MALRD1: variants seen among roughly 807,000 people sequenced by gnomAD.
MALRD1 encodes MAM and LDL-receptor class A domain-containing protein 1.
MALRD1 carries 247 observed loss-of-function variants against 242.1 expected under a neutral mutation model. The ratio of observed to expected loss-of-function variants is 1.02; its 90% confidence interval spans 0.92 to 1.13. The LOEUF is 1.13. Ranked by LOEUF, MALRD1 falls within the 50% of genes most tolerant of loss-of-function variation. The pLI is 0.00. For synonymous variants in MALRD1, 995 were observed against 866.6 expected (o/e 1.15, Z -2.60); for missense variants, 2,989 against 2,533.1 (o/e 1.18, Z -3.86).
chr10:19,650,461 G>A (rs1159968910), intron 36 of MALRD1, among the ~76,000 whole-genome samples: 1 of 152,162 alleles, frequency 6.6e-6, no homozygotes, highest in African/African-American at 2.4e-5. Flanking sequence ...AGAAATAAAT[G>A]TAGAAGACTA....
At chr10:19,601,136 T>A (rs953537786) in intron 34 of MALRD1, among the ~76,000 whole-genome samples, 1 of 152,046 alleles carries the variant, frequency 6.6e-6, no homozygotes, top group Non-Finnish European at 1.5e-5. Flanking sequence ...GCCGCCTTGG[T>A]CTCTCAAAGT....
chr10:19,393,913 A>T (rs1421528525), intron 28 of MALRD1, among the ~76,000 whole-genome samples: 4 of 152,184 alleles, frequency 2.6e-5, no homozygotes, highest in African/African-American at 4.8e-5. Context: ...CATCTTTTCA[A>T]CCAGCCTTTT....
chr10:19,495,918 T>C (rs543261928), intron 30 of MALRD1, among the ~76,000 whole-genome samples: 16 of 152,110 alleles, frequency 1.1e-4, no homozygotes, highest in African/African-American at 3.9e-4. Context: ...AAAGCAGAGA[T>C]TGCAAACCTC....
chr10:19,718,117 GAA>G (rs1485398194), intron 38 of MALRD1, among the ~76,000 whole-genome samples: 7 of 150,936 alleles, frequency 4.6e-5, no homozygotes, highest in African/African-American at 1.7e-4. Context: ...GGAAGAAGAA[GAA>G]GAAGAAGAGG....
rs1442570761 is a variant in MALRD1, at chr10:19,675,071, TC to T, written c.6138-17210del. On this transcript the variant is annotated intron_variant, in intron 36 of 39. Coordinates refer to ENST00000454679, the MANE Select transcript of MALRD1 (RefSeq NM_001142308.3). ...CACTTTTTATCTGCTGCATTTCTAC[TC>T]AAGTAATTAAAGCTATTTCTACTGT... Among the ~76,000 whole-genome samples the T allele has an allele frequency of 8.4e-4, 128 of 152,242 alleles. 1 individual carries two copies. The Middle Eastern group carries it at 0.024, about 28-fold the overall frequency.
At chr10:19,717,072 A>T (rs1281135754) in intron 38 of MALRD1, among the ~76,000 whole-genome samples, 2 of 152,148 alleles carry the variant, frequency 1.3e-5, no homozygotes, top group Admixed American at 6.5e-5. Context: ...GTTTTATTTG[A>T]TTTAAGAGCC....
At chr10:19,191,712 A>T (rs1835983033) in intron 14 of MALRD1, among the ~76,000 whole-genome samples, 2 of 152,166 alleles carry the variant, frequency 1.3e-5, no homozygotes, top group African/African-American at 4.8e-5. Context: ...AAACTTGAGG[A>T]CATGGCCGGG....
Position 19,070,485 on chromosome 10 carries a change from T to TCAGGGATTG in MALRD1, c.340+3628_340+3636dup, listed in dbSNP as rs1405482527. Among the ~76,000 whole-genome samples, 12 of 152,302 alleles carry TCAGGGATTG rather than the reference T, an allele frequency of 7.9e-5. No individual in the cohort carries two copies. The East Asian group carries it at 2.1e-3, about 27-fold the overall frequency. ...AAATCCTAAGTGGAACCATTGTAAG[T>TCAGGGATTG]CAGGGATTGCCTGCATTGTATTTTT... On this transcript the variant is annotated intron_variant, in intron 2 of 39. Transcript: ENST00000454679.
At chr10:19,241,302 G>A (rs975078304) in intron 18 of MALRD1, among the ~76,000 whole-genome samples, 1 of 151,986 alleles carries the variant, frequency 6.6e-6, no homozygotes, top group Admixed American at 6.6e-5. Flanking sequence ...ATTTAATCTT[G>A]GTAGTTGTAT....
intron 15 of MALRD1, 97 bp from the exon 16 acceptor site, chr10:19,204,211 A>T: frequency 2.5e-6 from 2 of 786,740 alleles, no homozygotes; most frequent in Non-Finnish European, 4.1e-6. Context: ...TTTCAGTTAG[A>T]CAATGATCTT....
At chr10:19,198,565 T>A (rs1406145706) in intron 14 of MALRD1, among the ~76,000 whole-genome samples, 1 of 152,160 alleles carries the variant, frequency 6.6e-6, no homozygotes, top group Non-Finnish European at 1.5e-5. Flanking sequence ...TATTTAAATA[T>A]CCTTGAAAGG....
At chr10:19,073,159 C>G (rs1487011762) in intron 2 of MALRD1, among the ~76,000 whole-genome samples, 1 of 152,110 alleles carries the variant, frequency 6.6e-6, no homozygotes, top group African/African-American at 2.4e-5. Context: ...AAGTGATCTG[C>G]CCACCTTGGC....
intron 21 of MALRD1, among the ~76,000 whole-genome samples, chr10:19,315,054 A>G (rs930699554): frequency 1.4e-5 from 2 of 144,080 alleles, no homozygotes; most frequent in African/African-American, 5.0e-5. Context: ...ATGTAAATAT[A>G]ATTTATATAA....
chr10:19,691,319 GA>G lies in MALRD1; in HGVS notation c.6138-961del, dbSNP rs148194056. Reference sequence around the variant, plus strand: ...AACCTCCACGCTTTTTATATTTAAAGAAGCTGATTGCTTTTGTGAAGGAATT... The same window carrying G: ...AACCTCCACGCTTTTTATATTTAAAGAGCTGATTGCTTTTGTGAAGGAATT... On this transcript the variant is annotated intron_variant, in intron 36 of 39. Coordinates refer to ENST00000454679, the MANE Select transcript of MALRD1 (RefSeq NM_001142308.3). Among the ~76,000 whole-genome samples the G allele has an allele frequency of 4.0e-3, 610 of 152,190 alleles. 8 individuals carry two copies. In the East Asian group the frequency reaches 0.054, roughly 13 times the overall value.
At chr10:19,275,536 G>A (rs778860338) in intron 19 of MALRD1, among the ~76,000 whole-genome samples, 1 of 152,298 alleles carries the variant, frequency 6.6e-6, no homozygotes, top group African/African-American at 2.4e-5. Flanking sequence ...TGGCGTGGTG[G>A]CGGGCGCCTG....
chr10:19,283,732 T>C (rs936545615), intron 21 of MALRD1, among the ~76,000 whole-genome samples: 4 of 152,240 alleles, frequency 2.6e-5, no homozygotes, highest in Admixed American at 1.3e-4. Flanking sequence ...ATTATTTGCA[T>C]TTCACTGTAA....
intron 36 of MALRD1, among the ~76,000 whole-genome samples, chr10:19,666,555 C>T (rs1008887297): frequency 5.9e-5 from 9 of 152,176 alleles, no homozygotes; most frequent in South Asian, 2.1e-4. Context: ...TCTTACCAAA[C>T]TTAAATTCCA....
intron 24 of MALRD1, among the ~76,000 whole-genome samples, chr10:19,344,764 A>G (rs564557426): frequency 1.6e-4 from 24 of 151,818 alleles, no homozygotes; most frequent in Non-Finnish European, 2.4e-4. Flanking sequence ...TTTTCCAATC[A>G]TGAGCATAGT....
intron 11 of MALRD1, among the ~76,000 whole-genome samples, chr10:19,148,788 A>AAAAATATATATAT (rs1206724666): frequency 3.4e-5 from 3 of 88,014 alleles, no homozygotes; most frequent in Non-Finnish European, 7.4e-5. Flanking sequence ...AAAAAAAAAA[A>AAAAATATATATAT]ATATATATAT....
Sources: allele counts gnomAD v4.1 joint callset (sites outside exome capture counted in the v4.1 genomes callset), GRCh38; gene constraint gnomAD v4.1.1; transcripts MANE v1.5; gene names NCBI Gene and HGNC (gene_info 2026-07-23, HGNC 2026-07-21).